The following IQANK1 variants were observed in gnomAD, a reference collection of about 807,000 sequenced individuals.
The protein encoded by IQANK1 is IQ motif and ankyrin repeat domain-containing protein 1.
Under a neutral mutation model 22.6 loss-of-function variants are expected in IQANK1, and 30 were observed. The ratio of observed to expected loss-of-function variants is 1.33; its 90% CI spans 0.99 to 1.80. IQANK1 has a LOEUF of 1.80. Among genes scored for constraint, IQANK1 ranks in the 40% most tolerant of loss-of-function variants. The probability of loss-of-function intolerance (pLI) is 0.00; values close to 1 mark genes in which losing one functional copy is unlikely to be tolerated. For synonymous variants in IQANK1, 122 were observed against 99.6 expected (o/e 1.23, Z -1.34); for missense variants, 275 against 235.2 (o/e 1.17, Z -1.11).
At chr8:143,750,121 C>T (rs1185145583) in intron 3 of IQANK1, among the ~76,000 whole-genome samples, 3 of 152,016 alleles carry the variant, frequency 2.0e-5, no homozygotes, top group Non-Finnish European at 4.4e-5. Context: ...TCTCCTGCCT[C>T]TCAAGTAGCT....
At chr8:143,783,090 T>C (rs965270663) in intron 7 of IQANK1, among the ~76,000 whole-genome samples, 1 of 152,228 alleles carries the variant, frequency 6.6e-6, no homozygotes, top group Non-Finnish European at 1.5e-5. Context: ...TGATGAACGT[T>C]CAGTTTGTTT....
intron 3 of IQANK1, among the ~76,000 whole-genome samples, chr8:143,761,182 C>T (rs570667070): frequency 8.5e-5 from 13 of 152,202 alleles, no homozygotes; most frequent in Admixed American, 2.6e-4. Context: ...AGAAGGGACC[C>T]GGAGCATCTC....
chr8:143,734,531 A>G (rs1818670266), intron 1 of IQANK1, among the ~76,000 whole-genome samples: 2 of 149,516 alleles, frequency 1.3e-5, no homozygotes, highest in African/African-American at 5.0e-5. Flanking sequence ...ATGTACACCA[A>G]CCCCCAAGCA....
At chr8:143,769,064 A>AT (rs1819527890) in intron 3 of IQANK1, among the ~76,000 whole-genome samples, 1 of 151,936 alleles carries the variant, frequency 6.6e-6, no homozygotes, top group African/African-American at 2.4e-5. Flanking sequence ...ATAATATAAA[A>AT]ATATATATAT....
chr8:143,776,414 T>C (rs1554630439), intron 7 of IQANK1, among the ~76,000 whole-genome samples: 1 of 148,056 alleles, frequency 6.8e-6, no homozygotes, highest in Non-Finnish European at 1.5e-5. Context: ...CAAGAACAAA[T>C]CCAAGACAGA....
At chr8:143,773,832 G>A (rs977028836) in intron 7 of IQANK1, among the ~76,000 whole-genome samples, 8 of 152,198 alleles carry the variant, frequency 5.3e-5, no homozygotes, top group East Asian at 1.9e-4. Context: ...ACGGTGAGGC[G>A]TCCAGAGGTG....
intron 3 of IQANK1, among the ~76,000 whole-genome samples, chr8:143,756,917 G>T (rs924617903): frequency 6.6e-6 from 1 of 151,882 alleles, no homozygotes. Flanking sequence ...AGGTCAAGCT[G>T]CAGTGAGCTG....
chr8:143,742,572 G>A, intron 3 of IQANK1: 1 of 456,116 alleles, frequency 2.2e-6, no homozygotes, highest in South Asian at 1.5e-5. Context: ...CTGCCCAGGG[G>A]TGTGATGTGG....
intron 1 of IQANK1, among the ~76,000 whole-genome samples, chr8:143,734,505 G>T (rs1818669029): frequency 6.9e-6 from 1 of 145,778 alleles, no homozygotes. Context: ...TGCGGACCCC[G>T]AATGACCTGT....
At chr8:143,786,632 G>C (rs1047740466) in intron 7 of IQANK1, among the ~76,000 whole-genome samples, 3 of 152,230 alleles carry the variant, frequency 2.0e-5, no homozygotes, top group African/African-American at 7.2e-5. Flanking sequence ...GCTGGGAGCT[G>C]TTCTAGGTCC....
chr8:143,776,322 C>T (rs1271802108), intron 7 of IQANK1, among the ~76,000 whole-genome samples: 6 of 78,196 alleles, frequency 7.7e-5, no homozygotes, highest in Admixed American at 4.3e-4. Context: ...AGCGAGACTC[C>T]GTCTCAAAAA....
chr8:143,762,326 A>AAGGG (rs199814811), intron 3 of IQANK1, among the ~76,000 whole-genome samples: 7,953 of 149,030 alleles, frequency 0.053, 271 homozygotes, highest in Middle Eastern at 0.097. Context: ...GGAAGGAAGG[A>AAGGG]AGGGAGGGAG....
chr8:143,777,718 G>C (rs59316811), intron 7 of IQANK1, among the ~76,000 whole-genome samples: 1 of 151,658 alleles, frequency 6.6e-6, no homozygotes, highest in Non-Finnish European at 1.5e-5. Context: ...AAAAGAGTTG[G>C]AGCTAATAAG....
intron 3 of IQANK1, among the ~76,000 whole-genome samples, chr8:143,751,658 G>GTATATATATATATATATA (rs1325258601): frequency 3.5e-3 from 136 of 38,750 alleles, no homozygotes; most frequent in Non-Finnish European, 8.2e-3. Flanking sequence ...GTGTGTGTGT[G>GTATATATATATATATATA]TGTGTGTATA....
chr8:143,778,051 C>T (rs377640069), intron 7 of IQANK1, among the ~76,000 whole-genome samples: 80 of 152,082 alleles, frequency 5.3e-4, no homozygotes, highest in Middle Eastern at 3.4e-3. Context: ...AAAAATTAGC[C>T]GGGCATCGTA....
In IQANK1 at chr8:143,739,602, A is replaced by C. The variant is rs972002098; in HGVS notation, c.86-257A>C. 7 of 398,792 alleles carry C rather than the reference A, an allele frequency of 1.8e-5. No homozygotes were observed. In the South Asian group the frequency reaches 4.5e-4, roughly 26 times the overall value. 24.7% of individuals were successfully genotyped at this position (398,792 alleles called of 1,614,324 possible). A position where few individuals can be genotyped will look rare whatever the true frequency, so the allele number is the denominator to read the frequency against. Reference sequence around the variant, plus strand: ...GCACCACCTGCCCATCCTTGGGCCCACAAGAGCCCAGGTGCCTTCCTGCGG... The same window carrying C: ...GCACCACCTGCCCATCCTTGGGCCCCCAAGAGCCCAGGTGCCTTCCTGCGG... On this transcript the variant is annotated intron_variant, in intron 2 of 13. Coordinates refer to ENST00000527139, the MANE Select transcript of IQANK1 (RefSeq NM_001381874.1).
At chr8:143,740,042 C>T in intron 3 of IQANK1, 94 bp downstream of exon 3, 1 of 601,708 alleles carries the variant, frequency 1.7e-6, no homozygotes, top group African/African-American at 1.9e-5. Context: ...TGTGGGCGCG[C>T]GCTTGCGTGT....
chr8:143,768,565 G>A (rs1554629431), intron 3 of IQANK1, among the ~76,000 whole-genome samples: 1 of 152,052 alleles, frequency 6.6e-6, no homozygotes, highest in Non-Finnish European at 1.5e-5. Flanking sequence ...GTGCCCGATG[G>A]GAATCTGCTC....
intron 3 of IQANK1, among the ~76,000 whole-genome samples, chr8:143,750,833 T>A (rs1819173708): frequency 6.6e-6 from 1 of 152,084 alleles, no homozygotes; most frequent in South Asian, 2.1e-4. Flanking sequence ...AAAAATAAAA[T>A]AAAATTAATA....
Sources: allele counts gnomAD v4.1 joint callset (sites outside exome capture counted in the v4.1 genomes callset), GRCh38; gene constraint gnomAD v4.1.1; transcripts MANE v1.5; gene names NCBI Gene and HGNC (gene_info 2026-07-23, HGNC 2026-07-21).